CTNND2: variants seen among roughly 807,000 people sequenced by gnomAD.
CTNND2 encodes the protein catenin delta-2.
Under a neutral mutation model 144.4 loss-of-function variants are expected in CTNND2, and 22 were observed. That is an observed-to-expected ratio of 0.15 (90% CI 0.11 to 0.22). The LOEUF (loss-of-function observed/expected upper bound fraction) is 0.22. CTNND2 is among the 10% of genes least tolerant of loss of function. CTNND2 has a pLI of 1.00. For missense variants in CTNND2, 1,353 were observed against 1,618.8 expected, an observed-to-expected ratio of 0.84 and a Z score of 2.82; for synonymous variants, 751 against 695.6, an observed-to-expected ratio of 1.08 and a Z score of -1.25.
intron 12 of CTNND2, among the ~76,000 whole-genome samples, chr5:11,130,701 C>G (rs914288547): frequency 6.6e-6 from 1 of 152,128 alleles, no homozygotes; most frequent in Non-Finnish European, 1.5e-5. Flanking sequence ...TCCTAACTTG[C>G]AGTACTTGGG....
At chr5:11,081,876 G>T (rs549138048) in intron 16 of CTNND2, among the ~76,000 whole-genome samples, 3 of 152,264 alleles carry the variant, frequency 2.0e-5, no homozygotes, top group Non-Finnish European at 4.4e-5. Context: ...TGCCTTTGGG[G>T]TGATGAAAAT....
Position 11,239,267 on chromosome 5 carries a change from G to T in CTNND2, c.1629-2444C>A, listed in dbSNP as rs1393345165. 5.3e-5 allele frequency among the ~76,000 whole-genome samples: 8 copies of T among 152,348 alleles called. No individual in the cohort carries two copies. In the South Asian group the frequency reaches 1.7e-3, roughly 32 times the overall value. On this transcript the variant is annotated intron_variant, in intron 9 of 21. Coordinates refer to ENST00000304623, the MANE Select transcript of CTNND2 (RefSeq NM_001332.4). ...GTTTAGGGGCTCTTTGCACACATGC[G>T]TGCACCTGTGCACATGTGCTTGCAC... is the stretch of plus-strand genomic sequence containing the variant.
intron 10 of CTNND2, among the ~76,000 whole-genome samples, chr5:11,200,484 G>T (rs4702794): frequency 0.11 from 16,327 of 152,196 alleles, 960 homozygotes; most frequent in South Asian, 0.18. Context: ...ACTTTTGCAT[G>T]TATATGGACA....
chr5:11,851,666 A>G (rs566545764), intron 1 of CTNND2, among the ~76,000 whole-genome samples: 13 of 152,308 alleles, frequency 8.5e-5, no homozygotes, highest in African/African-American at 3.1e-4. Context: ...ACAGGCAATC[A>G]TGTTTGTATT....
At chr5:11,859,984 A>G (rs1489616862) in intron 1 of CTNND2, among the ~76,000 whole-genome samples, 1 of 152,226 alleles carries the variant, frequency 6.6e-6, no homozygotes, top group African/African-American at 2.4e-5. Flanking sequence ...AACTGGCAAA[A>G]TAAGGGAGAA....
At chr5:11,492,184 C>T (rs988791728) in intron 3 of CTNND2, among the ~76,000 whole-genome samples, 1 of 152,202 alleles carries the variant, frequency 6.6e-6, no homozygotes, top group Non-Finnish European at 1.5e-5. Flanking sequence ...ATGAACTCTG[C>T]AACTACCACA....
At chr5:11,435,146 T>A (rs1561389472) in intron 3 of CTNND2, among the ~76,000 whole-genome samples, 1 of 150,204 alleles carries the variant, frequency 6.7e-6, no homozygotes, top group African/African-American at 2.5e-5. Context: ...TATTTATTTA[T>A]TTAATTTTTT....
chr5:11,559,430 C>T (rs1776509810), intron 3 of CTNND2, among the ~76,000 whole-genome samples: 1 of 152,180 alleles, frequency 6.6e-6, no homozygotes, highest in Non-Finnish European at 1.5e-5. Flanking sequence ...TCTATGCTCT[C>T]CACTTATACC....
At chr5:11,707,075 T>C (rs1242431124) in intron 2 of CTNND2, among the ~76,000 whole-genome samples, 1 of 145,970 alleles carries the variant, frequency 6.9e-6, no homozygotes, top group African/African-American at 2.6e-5. Flanking sequence ...GACAGAGCAA[T>C]ACTCCATCTC....
intron 9 of CTNND2, among the ~76,000 whole-genome samples, chr5:11,271,750 G>A (rs1004777258): frequency 6.6e-6 from 1 of 152,272 alleles, no homozygotes. Context: ...TACCAAGTGG[G>A]TCCTCACCAA....
At chr5:11,117,954 C>T (rs1434804145) in intron 12 of CTNND2, among the ~76,000 whole-genome samples, 1 of 152,202 alleles carries the variant, frequency 6.6e-6, no homozygotes, top group African/African-American at 2.4e-5. Flanking sequence ...CTTGTAACTT[C>T]TGAAATATTT....
intron 1 of CTNND2, among the ~76,000 whole-genome samples, chr5:11,891,279 T>G (rs899011725): frequency 6.6e-6 from 1 of 152,194 alleles, no homozygotes; most frequent in African/African-American, 2.4e-5. Context: ...AGCTGAATAA[T>G]CACTTATTAA....
intron 8 of CTNND2, among the ~76,000 whole-genome samples, chr5:11,358,865 T>C (rs991996904): frequency 6.6e-6 from 1 of 152,234 alleles, no homozygotes; most frequent in Non-Finnish European, 1.5e-5. Context: ...AACATATCTA[T>C]GATAATTCTT....
intron 9 of CTNND2, among the ~76,000 whole-genome samples, chr5:11,345,951 A>C (rs773651060): frequency 3.9e-5 from 6 of 152,212 alleles, no homozygotes; most frequent in Admixed American, 6.5e-5. Flanking sequence ...CAATTTTACT[A>C]TAGCTTGGAA....
At chr5:11,090,482 G>A (rs558263045) in intron 15 of CTNND2, among the ~76,000 whole-genome samples, 15 of 152,300 alleles carry the variant, frequency 9.8e-5, no homozygotes, top group East Asian at 3.9e-4. Flanking sequence ...GAGCATTACC[G>A]CCTGAGTTCT....
chr5:11,687,155 C>G, intron 2 of CTNND2, among the ~76,000 whole-genome samples: 1 of 152,162 alleles, frequency 6.6e-6, no homozygotes, highest in Admixed American at 6.5e-5. Context: ...CCCAAACATA[C>G]TGATTCTCTT....
At chr5:11,425,352 C>T (rs1441926040) in intron 3 of CTNND2, among the ~76,000 whole-genome samples, 1 of 152,164 alleles carries the variant, frequency 6.6e-6, no homozygotes, top group Non-Finnish European at 1.5e-5. Context: ...CCTTGATTGA[C>T]TACATGTCTG....
intron 10 of CTNND2, among the ~76,000 whole-genome samples, chr5:11,231,511 C>G (rs1174039098): frequency 6.6e-6 from 1 of 152,148 alleles, no homozygotes; most frequent in Non-Finnish European, 1.5e-5. Flanking sequence ...AAAGATGACT[C>G]TTGCTATGCT....
chr5:11,117,745 T>C (rs979639551), intron 12 of CTNND2, among the ~76,000 whole-genome samples, 178 bp from the exon 13 acceptor site: 1 of 152,116 alleles, frequency 6.6e-6, no homozygotes, highest in Non-Finnish European at 1.5e-5. Context: ...CATCCCAGAG[T>C]TGGGTAAGTC....
Sources: allele counts gnomAD v4.1 joint callset (sites outside exome capture counted in the v4.1 genomes callset), GRCh38; gene constraint gnomAD v4.1.1; transcripts MANE v1.5; gene names NCBI Gene and HGNC (gene_info 2026-07-23, HGNC 2026-07-21).